The following ABL2 variants were observed in gnomAD, a reference collection of about 807,000 sequenced individuals.
The protein encoded by ABL2 is ABL proto-oncogene 2, non-receptor tyrosine kinase, also known as tyrosine-protein kinase ABL2.
Under a neutral mutation model 107.7 loss-of-function variants are expected in ABL2, and 49 were observed. The ratio of observed to expected loss-of-function variants is 0.45; its 90% CI spans 0.36 to 0.58. ABL2 has a LOEUF of 0.58. Ranked by LOEUF, ABL2 falls within the 20% of genes least tolerant of loss-of-function variation. ABL2 has a pLI of 0.00. For synonymous variants in ABL2, 549 were observed against 548.6 expected (o/e 1.00, Z -0.01); for missense variants, 1,245 against 1,457.0 (o/e 0.85, Z 2.37).
rs1353329762 is a variant in ABL2, at chr1:179,105,405, T to C, written c.*2313A>G. On this transcript the variant is annotated 3_prime_UTR_variant, in exon 12 of 12. Transcript: ENST00000502732. ...GGGATAAACCTAAAAAGCAGCATAA[T>C]AATATTCTACAGTTTTAGCTTTCCC... is the stretch of plus-strand genomic sequence containing the variant. 3.0e-5 allele frequency: 7 copies of C among 231,108 alleles called. No individual in the cohort carries two copies. In the Admixed American group the frequency reaches 4.0e-4, roughly 13 times the overall value. The allele number at this position is 231,108 out of a possible 1,614,324, so 14.3% of individuals were successfully genotyped here.
At chr1:179,175,838 C>T (rs115071556) in intron 1 of ABL2, among the ~76,000 whole-genome samples, 218 of 145,490 alleles carry the variant, frequency 1.5e-3, no homozygotes, top group African/African-American at 5.3e-3. Flanking sequence ...GACAAGTAGA[C>T]ACATTCTTCT....
At chr1:179,182,920 T>C (rs1660461336) in intron 1 of ABL2, among the ~76,000 whole-genome samples, 1 of 152,180 alleles carries the variant, frequency 6.6e-6, no homozygotes, top group Non-Finnish European at 1.5e-5. Context: ...TTTTAGGATA[T>C]CAGCATTTTT....
In ABL2 at chr1:179,227,613, G is replaced by A. The variant is rs1365651321; in HGVS notation, c.157+1628C>T. ...ATAGTAACACTTCCCACAAAGTGAAGCTTACTTGGATGATTTCTTCCCTGT... is the reference window on the plus strand; with the variant it reads ...ATAGTAACACTTCCCACAAAGTGAAACTTACTTGGATGATTTCTTCCCTGT... On this transcript the variant is annotated intron_variant, in intron 1 of 11. Transcript: ENST00000502732. Among the ~76,000 whole-genome samples, 4 of 152,332 alleles carry A rather than the reference G, an allele frequency of 2.6e-5. No individual in the cohort carries two copies. The East Asian group carries it at 7.7e-4, about 29-fold the overall frequency.
intron 1 of ABL2, chr1:179,201,382 T>C (rs1189560440): frequency 6.5e-6 from 1 of 152,710 alleles, no homozygotes; most frequent in Non-Finnish European, 1.5e-5. Flanking sequence ...TTAAAACTTT[T>C]ACAAGCCACA....
At chr1:179,157,056 C>T (rs578191260) in intron 1 of ABL2, among the ~76,000 whole-genome samples, 14 of 152,238 alleles carry the variant, frequency 9.2e-5, no homozygotes, top group African/African-American at 3.4e-4. Flanking sequence ...GCAGCAACAA[C>T]TCTGCTTTAA....
At chr1:179,150,711 G>T (rs1298040198) in intron 1 of ABL2, among the ~76,000 whole-genome samples, 2 of 152,220 alleles carry the variant, frequency 1.3e-5, no homozygotes, top group Non-Finnish European at 2.9e-5. Context: ...GATTTGAGAG[G>T]ATTGACTCTA....
intron 1 of ABL2, among the ~76,000 whole-genome samples, chr1:179,164,157 C>T (rs1659246552): frequency 6.6e-6 from 1 of 151,244 alleles, no homozygotes; most frequent in Non-Finnish European, 1.5e-5. Flanking sequence ...TTCACAGAAC[C>T]GTACAATAAA....
At chr1:179,127,605 GATAA>G (rs1301639323) in intron 3 of ABL2, among the ~76,000 whole-genome samples, 4 of 152,186 alleles carry the variant, frequency 2.6e-5, no homozygotes. Context: ...TATCACTAGT[GATAA>G]ATAAATGCTA....
chr1:179,113,491 C>T (rs927859279), intron 9 of ABL2, among the ~76,000 whole-genome samples: 1 of 152,198 alleles, frequency 6.6e-6, no homozygotes, highest in Non-Finnish European at 1.5e-5. Context: ...ACAACACAGA[C>T]TTATGTTCAA....
At chr1:179,210,503 C>CA (rs113814284) in intron 1 of ABL2, among the ~76,000 whole-genome samples, 14,357 of 93,930 alleles carry the variant, frequency 0.15, 1,077 homozygotes, top group African/African-American at 0.19. Flanking sequence ...CTCTAACTCA[C>CA]AAAAAAAAAA....
chr1:179,165,805 T>A (rs1659342480), intron 1 of ABL2, among the ~76,000 whole-genome samples: 1 of 151,970 alleles, frequency 6.6e-6, no homozygotes, highest in Non-Finnish European at 1.5e-5. Context: ...CTTTATTTTT[T>A]TTTTTTCCAG....
intron 1 of ABL2, chr1:179,222,059 C>T (rs988844820): frequency 9.8e-5 from 19 of 194,292 alleles, no homozygotes; most frequent in African/African-American, 2.4e-4. Context: ...TTGCAGCCCA[C>T]GGCTTTTCTT....
At chr1:179,165,325 T>A (rs902061045) in intron 1 of ABL2, among the ~76,000 whole-genome samples, 5 of 152,118 alleles carry the variant, frequency 3.3e-5, no homozygotes, top group Admixed American at 6.5e-5. Context: ...CACTAGCAAG[T>A]CATTTTTATA....
chr1:179,162,165 G>A (rs1659105013), intron 1 of ABL2, among the ~76,000 whole-genome samples: 1 of 152,186 alleles, frequency 6.6e-6, no homozygotes. Context: ...ATAAAAGTAG[G>A]CTAAATAGAT....
intron 1 of ABL2, among the ~76,000 whole-genome samples, chr1:179,138,283 G>C (rs1350725009): frequency 6.6e-6 from 1 of 152,080 alleles, no homozygotes; most frequent in Non-Finnish European, 1.5e-5. Flanking sequence ...TATTATTATT[G>C]AGACAAGGTC....
Position 179,108,878 on chromosome 1 carries a change from T to C in ABL2, c.2389A>G (p.Met797Val), listed in dbSNP as rs1171171572. The C allele has an allele frequency of 6.2e-7, 1 of 1,614,044 alleles. No homozygotes were observed. Among genetic ancestry groups the C allele is most frequent in the Non-Finnish European group, 8.5e-7 (1 of 1,180,038 alleles). Residue 797 changes from methionine to valine, a missense_variant, in exon 12 of 12, where the codon ATG becomes GTG. Met to Val is a conservative substitution (Grantham distance 21). This residue lies in a region of ABL2 where 761 missense variants were observed against 766.4 expected (regional missense o/e 0.99). Coordinates refer to ENST00000502732, the MANE Select transcript of ABL2 (RefSeq NM_007314.4). Reference sequence around the variant, plus strand: ...CAGTTCCTGGGAAGGGTCATTGCCATCCTATCCTGCTCTGGAAGCCCTGAG... The same window carrying C: ...CAGTTCCTGGGAAGGGTCATTGCCACCCTATCCTGCTCTGGAAGCCCTGAG... ...MSSGLPEQDR[M>V]AMTLPRNCQR...
chr1:179,218,506 C>T (rs1437164012), intron 1 of ABL2, among the ~76,000 whole-genome samples: 1 of 152,192 alleles, frequency 6.6e-6, no homozygotes, highest in Non-Finnish European at 1.5e-5. Context: ...AAGCAATTCT[C>T]CTGCCTCAGC....
chr1:179,215,834 T>G (rs1366506705), intron 1 of ABL2, among the ~76,000 whole-genome samples: 2 of 145,048 alleles, frequency 1.4e-5, no homozygotes, highest in Admixed American at 6.8e-5. Flanking sequence ...GTATTGTCAG[T>G]TTTTTTTAAT....
rs78957574 is a variant in ABL2 at position 179,190,442 on chromosome 1, T to C, written c.157+38799A>G. On this transcript the variant is annotated intron_variant, in intron 1 of 11. Transcript: ENST00000502732. Reference sequence around the variant, plus strand: ...GGGCTGAGCAGAGTCCTTCAGGAACTTCCATGTGTTCAGCTATCCCAAAGC... The same window carrying C: ...GGGCTGAGCAGAGTCCTTCAGGAACCTCCATGTGTTCAGCTATCCCAAAGC... Among the ~76,000 whole-genome samples, 1,484 of 152,298 alleles carry C rather than the reference T, an allele frequency of 9.7e-3. 12 individuals carry two copies. Among genetic ancestry groups the C allele is most frequent in the Non-Finnish European group, 0.014 (961 of 68,022 alleles).
Sources: gnomAD v4.1 joint callset for allele counts (sites outside exome capture counted in the v4.1 genomes callset) on GRCh38, gnomAD v4.1.1 for gene constraint, gnomAD v4.1.1 regional missense constraint, MANE v1.5 for transcripts, NCBI Gene and HGNC (gene_info 2026-07-23, HGNC 2026-07-21) for gene names.